Variants in ABL1 observed in about 807,000 individuals in gnomAD.
The protein encoded by ABL1 is tyrosine-protein kinase ABL1.
In ABL1, 11 loss-of-function variants were observed where a neutral mutation model predicts 94.7. The observed-to-expected ratio is 0.12, with a 90% confidence interval of 0.07 to 0.19. ABL1 has a LOEUF of 0.19. Ranked by LOEUF, ABL1 falls within the 10% of genes least tolerant of loss-of-function variation. ABL1 has a pLI of 1.00. For missense variants in ABL1, 1,082 were observed against 1,489.4 expected (o/e 0.73, Z 4.50); for synonymous variants, 656 against 622.4 (o/e 1.05, Z -0.80).
rs564001838 is a variant in ABL1 at position 130,747,655 on chromosome 9, C to T, written c.136+33200C>T. On this transcript the variant is annotated intron_variant, in intron 1 of 10. Coordinates refer to the ABL1 transcript ENST00000372348. ...CTCGAACTCCTGACCTCAGGTAATCCGCCCACCTCAGCCTCCCAAAGTGCT... is the reference window on the plus strand; with the variant it reads ...CTCGAACTCCTGACCTCAGGTAATCTGCCCACCTCAGCCTCCCAAAGTGCT... 7.9e-5 allele frequency among the ~76,000 whole-genome samples: 12 copies of T among 152,210 alleles called. No individual in the cohort carries two copies. In the South Asian group the frequency reaches 2.1e-3, roughly 26 times the overall value.
At chr9:130,849,766 C>T (rs1377459658) in intron 1 of ABL1, among the ~76,000 whole-genome samples, 1 of 152,226 alleles carries the variant, frequency 6.6e-6, no homozygotes, top group Non-Finnish European at 1.5e-5. Flanking sequence ...GATTGCCCGC[C>T]TTGGCCTCCC....
intron 1 of ABL1, among the ~76,000 whole-genome samples, chr9:130,852,717 C>G (rs944833579): frequency 3.3e-5 from 5 of 152,042 alleles, no homozygotes; most frequent in African/African-American, 1.2e-4. Context: ...GAACAAATAA[C>G]CTATTTGACC....
chr9:130,793,172 C>A (rs1039524489), intron 1 of ABL1, among the ~76,000 whole-genome samples: 1 of 152,158 alleles, frequency 6.6e-6, no homozygotes, highest in African/African-American at 2.4e-5. Flanking sequence ...GTGATCTGCC[C>A]GCCTCAGTCT....
At chr9:130,844,258 G>A (rs960678984) in intron 1 of ABL1, among the ~76,000 whole-genome samples, 1 of 152,162 alleles carries the variant, frequency 6.6e-6, no homozygotes, top group Non-Finnish European at 1.5e-5. Flanking sequence ...CCAGCCAAGG[G>A]CGTGGTAGAG....
chr9:130,761,579 T>C (rs1228521369), intron 1 of ABL1, among the ~76,000 whole-genome samples: 1 of 152,248 alleles, frequency 6.6e-6, no homozygotes, highest in Non-Finnish European at 1.5e-5. Context: ...CGAAAGCTGT[T>C]GACCTTCATC....
intron 1 of ABL1, among the ~76,000 whole-genome samples, chr9:130,825,885 C>T (rs1194963779): frequency 6.6e-6 from 1 of 152,206 alleles, no homozygotes; most frequent in African/African-American, 2.4e-5. Flanking sequence ...TGTTTCTTCG[C>T]CATCAGCGAA....
chr9:130,819,213 G>A (rs1477736386), intron 1 of ABL1, among the ~76,000 whole-genome samples: 2 of 152,056 alleles, frequency 1.3e-5, no homozygotes, highest in African/African-American at 2.4e-5. Context: ...TTAGCTGAGC[G>A]TGGTGGCACA....
intron 1 of ABL1, among the ~76,000 whole-genome samples, chr9:130,802,275 C>T (rs1488867151): frequency 1.3e-5 from 2 of 151,704 alleles, no homozygotes; most frequent in African/African-American, 4.8e-5. Context: ...TTGATTTTTA[C>T]TAGAAACAGA....
chr9:130,821,362 G>A lies in ABL1; in HGVS notation c.137-32702G>A, dbSNP rs769015342. ...TTCTATAGATTTGTCTTTTCCGTAC[G>A]TTTCATGTAAATGAAGTTTTATACA... On this transcript the variant is annotated intron_variant, in intron 1 of 10. Coordinates refer to the ABL1 transcript ENST00000372348. Among the ~76,000 whole-genome samples, 9 of 152,124 alleles carry A rather than the reference G, an allele frequency of 5.9e-5. No homozygotes were observed. In the South Asian group the frequency reaches 8.3e-4, roughly 14 times the overall value.
Position 130,828,622 on chromosome 9 carries a change from G to A in ABL1, c.137-25442G>A, listed in dbSNP as rs140441772. On this transcript the variant is annotated intron_variant, in intron 1 of 10. Transcript: ENST00000372348. ...CTCGGGAGGCTGAGACAGGATAATC[G>A]CTTGAACCCAGGAGGCAGAAGTTGT... is the stretch of plus-strand genomic sequence containing the variant. Among the ~76,000 whole-genome samples, 367 of 152,190 alleles carry A rather than the reference G, an allele frequency of 2.4e-3. 2 individuals are homozygous for A. Among genetic ancestry groups the A allele is most frequent in the African/African-American group, 8.6e-3 (357 of 41,542 alleles).
rs1478306311 is a variant in ABL1 at position 130,884,924 on chromosome 9, C to T, written c.2634C>T (p.His878=). 1 of 1,611,630 alleles carries T rather than the reference C, an allele frequency of 6.2e-7. No homozygotes were observed. The highest frequency in any genetic ancestry group is 1.3e-5 in the African/African-American group (1 of 75,040). The change falls in exon 11 of 11, where the codon CAC becomes CAT. Residue 878 remains histidine, a synonymous_variant. Transcript: ENST00000318560. The surrounding 1 kb of genome is among the most constrained non-coding windows in gnomAD (Gnocchi z 5.6). ...CCGAGGAGTCCAGAGTGAGGAGGCA[C>T]AAGCACTCCTCTGAGTCGCCAGGGA... ...GPAEESRVRR[H]KHSSESPGRD... is the part of the protein sequence containing the mutation.
chr9:130,765,907 A>C (rs945739988), intron 1 of ABL1, among the ~76,000 whole-genome samples: 1 of 152,198 alleles, frequency 6.6e-6, no homozygotes, highest in African/African-American at 2.4e-5. Context: ...TGGTGGAAAA[A>C]CGGTTTGTCA....
At chr9:130,867,926 T>C (rs1472790000) in intron 4 of ABL1, among the ~76,000 whole-genome samples, 1 of 148,150 alleles carries the variant, frequency 6.7e-6, no homozygotes, top group African/African-American at 2.5e-5. Context: ...TCTAACTCTA[T>C]CCCTCCAGTG....
intron 1 of ABL1, among the ~76,000 whole-genome samples, chr9:130,739,236 T>C (rs545014419): frequency 2.0e-5 from 3 of 152,134 alleles, no homozygotes; most frequent in Non-Finnish European, 4.4e-5. Flanking sequence ...TGTTGTTTGT[T>C]AGTGGTAAGC....
At chr9:130,783,245 T>C (rs1019688748) in intron 1 of ABL1, among the ~76,000 whole-genome samples, 5 of 152,198 alleles carry the variant, frequency 3.3e-5, no homozygotes, top group African/African-American at 1.2e-4. Context: ...AGTGTAACTC[T>C]CGTGTGGAAT....
Position 130,725,824 on chromosome 9 carries a change from G to GTTTT in ABL1, c.136+11393_136+11396dup, listed in dbSNP as rs34517462. Among the ~76,000 whole-genome samples the GTTTT allele has an allele frequency of 3.9e-4, 30 of 76,004 alleles. 2 individuals are homozygous for GTTTT. Among genetic ancestry groups the GTTTT allele is most frequent in the African/African-American group, 1.7e-3 (26 of 15,310 alleles). 49.9% of individuals were successfully genotyped at this position (76,004 alleles called of 152,430 possible). A position where few individuals can be genotyped will look rare whatever the true frequency, so the allele number is the denominator to read the frequency against. The stretch of plus-strand genomic sequence containing the variant: ...CTGTTGGTGGAACTTGTGTATGGTG[G>GTTTT]TTTTTTTTTTTTTTTTTTTTTTTTT... On this transcript the variant is annotated intron_variant, in intron 1 of 10. Transcript: ENST00000372348.
chr9:130,715,991 G>A (rs545174322), intron 1 of ABL1, among the ~76,000 whole-genome samples: 291 of 150,224 alleles, frequency 1.9e-3, no homozygotes, highest in South Asian at 0.015. Flanking sequence ...TCTTCATGAC[G>A]TGCACTCACA....
chr9:130,855,690 A>G (rs187022193), intron 3 of ABL1, among the ~76,000 whole-genome samples: 1 of 152,290 alleles, frequency 6.6e-6, no homozygotes, highest in East Asian at 1.9e-4. Context: ...TCTTCATATA[A>G]ATAATCCTTA....
intron 1 of ABL1, among the ~76,000 whole-genome samples, chr9:130,718,024 AAAG>A (rs1243854522): frequency 1.3e-5 from 2 of 148,974 alleles, no homozygotes; most frequent in Non-Finnish European, 3.0e-5. Context: ...AAAAAAAAAA[AAAG>A]AAATTCCTGG....
Sources: gnomAD v4.1 joint callset for allele counts (sites outside exome capture counted in the v4.1 genomes callset) on GRCh38, gnomAD v4.1.1 for gene constraint, Gnocchi (gnomAD v3.1) non-coding constraint, MANE v1.5 for transcripts, NCBI Gene and HGNC (gene_info 2026-07-23, HGNC 2026-07-21) for gene names.